Variants in KIFAP3 observed in about 807,000 individuals in gnomAD.
KIFAP3 encodes kinesin associated protein 3, also known as kinesin-associated protein 3.
Under a neutral mutation model 106.5 loss-of-function variants are expected in KIFAP3, and 68 were observed. The observed-to-expected ratio is 0.64, with a 90% confidence interval of 0.53 to 0.78. The LOEUF (loss-of-function observed/expected upper bound fraction) is 0.78. Among genes scored for constraint, KIFAP3 ranks in the 30% least tolerant of loss-of-function variants. The pLI is 0.00. For synonymous variants in KIFAP3, 320 were observed against 311.5 expected, an observed-to-expected ratio of 1.03 and a Z score of -0.29; for missense variants, 780 against 941.8, an observed-to-expected ratio of 0.83 and a Z score of 2.25.
chr1:170,075,644 T>A (rs1417241696), upstream of KIFAP3, among the ~76,000 whole-genome samples: 2 of 152,212 alleles, frequency 1.3e-5, no homozygotes, highest in African/African-American at 2.4e-5. Flanking sequence ...CCCAACAAAA[T>A]ATATTTTTAT....
At chr1:170,071,961 T>C (rs1023696899) in intron 1 of KIFAP3, among the ~76,000 whole-genome samples, 1 of 152,218 alleles carries the variant, frequency 6.6e-6, no homozygotes, top group African/African-American at 2.4e-5. Flanking sequence ...CACTCATAAA[T>C]ACAATAAATA....
chr1:169,945,431 C>T (rs900996760), intron 19 of KIFAP3, among the ~76,000 whole-genome samples: 1 of 152,148 alleles, frequency 6.6e-6, no homozygotes, highest in Admixed American at 6.5e-5. Flanking sequence ...GGGGGCAGGG[C>T]TCATGCCTCT....
At chr1:169,969,187 C>T (rs1057328497) in intron 17 of KIFAP3, among the ~76,000 whole-genome samples, 2 of 151,952 alleles carry the variant, frequency 1.3e-5, no homozygotes, top group African/African-American at 2.4e-5. Context: ...AACTTGCATG[C>T]CAATTAAAAG....
intron 19 of KIFAP3, among the ~76,000 whole-genome samples, chr1:169,942,723 T>C (rs993370011): frequency 1.1e-4 from 17 of 152,196 alleles, no homozygotes; most frequent in Non-Finnish European, 2.4e-4. Flanking sequence ...GACTGGAAAC[T>C]AAATAAACCC....
intron 19 of KIFAP3, among the ~76,000 whole-genome samples, chr1:169,932,277 G>A (rs1399213098): frequency 6.6e-6 from 1 of 152,054 alleles, no homozygotes; most frequent in Non-Finnish European, 1.5e-5. Flanking sequence ...GGGGGCAAGA[G>A]ACTATTAAGT....
At chr1:170,054,157 C>A (rs561986912) in intron 2 of KIFAP3, among the ~76,000 whole-genome samples, 53 of 152,186 alleles carry the variant, frequency 3.5e-4, no homozygotes, top group African/African-American at 1.3e-3. Flanking sequence ...AGAGAAAAAA[C>A]AAACAACCCC....
chr1:170,007,249 A>G (rs900916298), intron 10 of KIFAP3, among the ~76,000 whole-genome samples: 1 of 151,842 alleles, frequency 6.6e-6, no homozygotes, highest in Admixed American at 6.6e-5. Flanking sequence ...AGTAGTGTGT[A>G]AAACAATGAG....
chr1:169,968,151 C>T (rs1337184170), intron 17 of KIFAP3, among the ~76,000 whole-genome samples: 1 of 151,850 alleles, frequency 6.6e-6, no homozygotes, highest in Admixed American at 6.6e-5. Context: ...TAGCTCCTGA[C>T]ATTATGATTT....
intron 16 of KIFAP3, among the ~76,000 whole-genome samples, 154 bp from the exon 17 acceptor site, chr1:169,972,752 C>T (rs545776952): frequency 1.3e-5 from 2 of 151,720 alleles, no homozygotes; most frequent in African/African-American, 4.8e-5. Context: ...ACCAAAAACA[C>T]TTAATGTTTC....
intron 10 of KIFAP3, among the ~76,000 whole-genome samples, chr1:170,000,409 C>T (rs1667603658): frequency 6.6e-6 from 1 of 152,038 alleles, no homozygotes; most frequent in Non-Finnish European, 1.5e-5. Context: ...TATATTACCC[C>T]TGGAAAGTCT....
chr1:169,951,875 TTAA>T (rs1173050961), intron 19 of KIFAP3, among the ~76,000 whole-genome samples: 1 of 142,612 alleles, frequency 7.0e-6, no homozygotes, highest in African/African-American at 3.1e-5. Context: ...GGCAGAATAA[TTAA>T]TCTTATAAAT....
intron 17 of KIFAP3, among the ~76,000 whole-genome samples, chr1:169,962,801 A>G (rs930523784): frequency 5.3e-5 from 8 of 152,290 alleles, no homozygotes; most frequent in East Asian, 1.9e-4. Context: ...AGCAAATCCT[A>G]GCAGTGTCAG....
intron 17 of KIFAP3, among the ~76,000 whole-genome samples, chr1:169,970,365 T>G (rs1665856698): frequency 6.6e-6 from 1 of 152,068 alleles, no homozygotes; most frequent in Admixed American, 6.6e-5. Flanking sequence ...CACACCTGTT[T>G]CAATTCATCA....
At chr1:170,026,672 A>T (rs920468529) in intron 8 of KIFAP3, among the ~76,000 whole-genome samples, 25 of 152,260 alleles carry the variant, frequency 1.6e-4, no homozygotes, top group African/African-American at 5.5e-4. Context: ...TGAGTTGAGT[A>T]TTGATTGGAG....
rs1359010444 is a variant in KIFAP3, at chr1:169,961,248, A to T, written c.1984-13T>A. On this transcript the variant is annotated splice_polypyrimidine_tract_variant and intron_variant, in intron 17 of 19. Coordinates refer to ENST00000361580, the MANE Select transcript of KIFAP3 (RefSeq NM_014970.4). ...CTTCATCATATTCCTATTGAAAACA[A>T]ACAGTCAACTGTTATTATATAAGCT... 6.3e-7 allele frequency: 1 copy of T among 1,599,850 alleles called. No homozygotes were observed. The highest frequency in any genetic ancestry group is 8.5e-7 in the Non-Finnish European group (1 of 1,172,116).
At chr1:169,977,853 T>C (rs568089788) in intron 16 of KIFAP3, among the ~76,000 whole-genome samples, 2 of 152,104 alleles carry the variant, frequency 1.3e-5, no homozygotes, top group Non-Finnish European at 2.9e-5. Context: ...GTTTGTTAAG[T>C]TTCTTAGGAA....
chr1:170,060,268 C>T (rs1468119332), intron 1 of KIFAP3, among the ~76,000 whole-genome samples: 3 of 152,146 alleles, frequency 2.0e-5, no homozygotes, highest in Non-Finnish European at 2.9e-5. Context: ...AAAACCCCAT[C>T]GTCTCAGCCA....
At chr1:170,020,572 C>G (rs1031813218) in intron 9 of KIFAP3, among the ~76,000 whole-genome samples, 2 of 152,114 alleles carry the variant, frequency 1.3e-5, no homozygotes, top group African/African-American at 4.8e-5. Context: ...CTCAGCCTCC[C>G]GAGTAGCTGG....
upstream of KIFAP3, among the ~76,000 whole-genome samples, chr1:170,074,947 C>T (rs1328992666): frequency 6.6e-6 from 1 of 152,216 alleles, no homozygotes; most frequent in Non-Finnish European, 1.5e-5. Flanking sequence ...GAATGCTATA[C>T]AGCAGTCCAG....
Sources: allele counts gnomAD v4.1 joint callset (sites outside exome capture counted in the v4.1 genomes callset), GRCh38; gene constraint gnomAD v4.1.1; transcripts MANE v1.5; gene names NCBI Gene and HGNC (gene_info 2026-07-23, HGNC 2026-07-21).